The following SEC14L3 variants were observed in gnomAD, a reference collection of about 807,000 sequenced individuals.
SEC14L3 encodes SEC14 like lipid binding 3.
Under a neutral mutation model 57.4 loss-of-function variants are expected in SEC14L3, and 56 were observed. That is an observed-to-expected ratio of 0.97 (90% CI 0.79 to 1.22). The LOEUF is 1.22. Among genes scored for constraint, SEC14L3 ranks in the 50% most tolerant of loss-of-function variants. SEC14L3 has a pLI of 0.00. For synonymous variants in SEC14L3, 173 were observed against 194.4 expected, an observed-to-expected ratio of 0.89 and a Z score of 0.92; for missense variants, 485 against 511.7, an observed-to-expected ratio of 0.95 and a Z score of 0.50.
At chr22:30,458,096 C>T (rs953720765), downstream of SEC14L3, among the ~76,000 whole-genome samples, 2 of 152,246 alleles carry the variant, frequency 1.3e-5, no homozygotes, top group Non-Finnish European at 2.9e-5. Context: ...TCCAAGGAGC[C>T]TCTCATGGCA....
In SEC14L3 at chr22:30,468,515, GT is replaced by G. The variant is rs1242154889; in HGVS notation, c.415del (p.Thr139GlnfsTer4). 1 of 1,610,558 alleles carries G rather than the reference GT, an allele frequency of 6.2e-7. No individual in the cohort carries two copies. Among genetic ancestry groups the G allele is most frequent in the Non-Finnish European group, 8.5e-7 (1 of 1,177,484 alleles). ...ERILHECDLQ[T>X]ERLGKKIETI... ...ACCTGGCCTGGACCTCACCCTCTCT[GT>G]CTGCAGGTCACACTCATGCAGGATG... On this transcript the variant is annotated frameshift_variant, in exon 5 of 12. Coordinates refer to ENST00000215812, the MANE Select transcript of SEC14L3 (RefSeq NM_174975.5). LOFTEE classifies it high-confidence loss of function.
chr22:30,467,032 C>T lies in SEC14L3; in HGVS notation c.469G>A (p.Gly157Ser). ...ETIVMIFDCE[G>S]LGLKHFWKPL... ...TTCCAGAAGTGTTTCAGTCCCAGGC[C>T]CTCACAGTCAAATATCATCACGATG... The change falls in exon 6 of 12, where the codon GGC becomes AGC. Residue 157 changes from glycine to serine, a missense_variant. By Grantham distance (56) the Gly-to-Ser change is moderately conservative. Transcript: ENST00000215812. The T allele has an allele frequency of 6.2e-7, 1 of 1,614,054 alleles. No homozygotes were observed. The highest frequency in any genetic ancestry group is 8.5e-7 in the Non-Finnish European group (1 of 1,179,998).
chr22:30,457,653 G>T (rs1935142540), downstream of SEC14L3, among the ~76,000 whole-genome samples: 3 of 151,304 alleles, frequency 2.0e-5, no homozygotes, highest in South Asian at 6.3e-4. Context: ...AAAGTGTTGG[G>T]ATTATAGGCA....
At chr22:30,459,031 TAAAC>T (rs1294934939), downstream of SEC14L3, among the ~76,000 whole-genome samples, 6 of 151,834 alleles carry the variant, frequency 4.0e-5, no homozygotes, top group South Asian at 4.2e-4. Flanking sequence ...AACAAACAAA[TAAAC>T]AAACAAACGA....
Position 30,461,659 on chromosome 22 carries a change from G to A in SEC14L3, c.807C>T (p.Tyr269=), listed in dbSNP as rs765675419. Residue 269 remains tyrosine (Y), a synonymous_variant, in exon 10 of 12, where the codon TAC becomes TAT. Coordinates refer to ENST00000215812, the MANE Select transcript of SEC14L3 (RefSeq NM_174975.5). ...NYGGEIPKSM[Y]VRDQVKTQYE... is the part of the protein sequence containing the mutation. ...ACTGAGTCTTCACCTGGTCCCGCACGTACATGGACTTGGGGATCTCCCCGC... is the reference window on the plus strand; with the variant it reads ...ACTGAGTCTTCACCTGGTCCCGCACATACATGGACTTGGGGATCTCCCCGC... 8 of 1,612,330 alleles carry A rather than the reference G, an allele frequency of 5.0e-6. No homozygotes were observed. The highest frequency in any genetic ancestry group is 1.7e-5 in the Admixed American group (1 of 59,854).
chr22:30,470,027 G>C lies in SEC14L3; in HGVS notation c.226C>G (p.Pro76Ala), dbSNP rs1935551407. The change falls in exon 4 of 12, where the codon CCC (proline) becomes GCC (alanine). Residue 76 changes from proline (P) to alanine (A), a missense_variant. Pro to Ala is a conservative substitution (Grantham distance 27). Transcript: ENST00000215812. ...MDIDHILDWQ[P>A]PEVIQKYMPG... ...TGGCGGTGTTGGCTCACCTCTGGGG[G>C]CTGCCAATCAAGGATATGGTCAATA... The C allele has an allele frequency of 6.4e-7, 1 of 1,570,130 alleles. No homozygotes were observed. The highest frequency in any genetic ancestry group is 1.4e-5 in the African/African-American group (1 of 73,738).
At chr22:30,470,101 G>C in intron 3 of SEC14L3, 23 bp from the exon 4 acceptor site, 3 of 1,607,268 alleles carry the variant, frequency 1.9e-6, no homozygotes, top group Non-Finnish European at 2.6e-6. Flanking sequence ...TGAGTGGTAA[G>C]ATCCCACTGG....
At chr22:30,467,368 C>T (rs575336663) in intron 5 of SEC14L3, among the ~76,000 whole-genome samples, 25 of 152,010 alleles carry the variant, frequency 1.6e-4, no homozygotes, top group Non-Finnish European at 3.2e-4. Context: ...TTCATATTGT[C>T]ATTAATTTAT....
At chr22:30,454,727 C>CTATAATATATAATAATATTATTATA (rs1215982043), downstream of SEC14L3, among the ~76,000 whole-genome samples, 3 of 75,376 alleles carry the variant, frequency 4.0e-5, no homozygotes, top group African/African-American at 1.6e-4. Context: ...AATCTATAAT[C>CTATAATATATAATAATATTATTATA]TATAATATAT....
intron 7 of SEC14L3, 63 bp from the exon 8 acceptor site, chr22:30,464,966 A>G (rs1240763587): frequency 1.2e-6 from 2 of 1,609,896 alleles, no homozygotes; most frequent in African/African-American, 1.3e-5. Flanking sequence ...CCCCTCCATA[A>G]TGGTTATAGC....
intron 5 of SEC14L3, among the ~76,000 whole-genome samples, chr22:30,467,653 A>G (rs114428698): frequency 1.4e-3 from 209 of 152,330 alleles, no homozygotes; most frequent in African/African-American, 4.6e-3. Context: ...AGAAGGTAAC[A>G]TCTAAGTTTC....
At position 30,461,656 on chromosome 22, in the gene SEC14L3, C is replaced by T; in HGVS notation, c.810G>A (p.Val270=). 1 of 1,613,170 alleles carries T rather than the reference C, an allele frequency of 6.2e-7. No individual in the cohort carries two copies. Among genetic ancestry groups the T allele is most frequent in the Non-Finnish European group, 8.5e-7 (1 of 1,179,532 alleles). Residue 270 remains valine, a synonymous_variant, in exon 10 of 12, where the codon GTG becomes GTA. Transcript: ENST00000215812. ...YGGEIPKSMY[V]RDQVKTQYEH... ...CGTACTGAGTCTTCACCTGGTCCCG[C>T]ACGTACATGGACTTGGGGATCTCCC...
chr22:30,455,126 T>C (rs781470669), downstream of SEC14L3, among the ~76,000 whole-genome samples: 34 of 95,664 alleles, frequency 3.6e-4, no homozygotes, highest in South Asian at 1.4e-3. Context: ...ATTTAATATA[T>C]ATTATATTTA....
chr22:30,467,060 C>T lies in SEC14L3; in HGVS notation c.441G>A (p.Glu147=). The change falls in exon 6 of 12, where the codon GAG becomes GAA. Residue 147 remains glutamate, a synonymous_variant. Coordinates refer to ENST00000215812, the MANE Select transcript of SEC14L3 (RefSeq NM_174975.5). The stretch of plus-strand genomic sequence containing the variant: ...CACAGTCAAATATCATCACGATGGT[C>T]TCAATCTTCTTCCCTAGCTGCAAGG... ...LQTERLGKKI[E]TIVMIFDCEG... is the part of the protein sequence containing the mutation. 6.2e-7 allele frequency: 1 copy of T among 1,614,056 alleles called. No homozygotes were observed. Among genetic ancestry groups the T allele is most frequent in the Non-Finnish European group, 8.5e-7 (1 of 1,179,964 alleles).
Position 30,459,283 on chromosome 22 carries a change from G to A in SEC14L3, c.*738C>T. ...CCAGATGTGACTGCCTTTGCTTCCA[G>A]GAAAGTCCCTAAAACATAAGCTATG... On this transcript the variant is annotated 3_prime_UTR_variant, in exon 12 of 12. Transcript: ENST00000215812. The A allele has an allele frequency of 7.1e-6, 7 of 985,414 alleles. No homozygotes were observed. Among genetic ancestry groups the A allele is most frequent in the Non-Finnish European group, 8.4e-6 (7 of 829,922 alleles). The allele number at this position is 985,414 out of a possible 1,614,324, so 61.0% of individuals were successfully genotyped here. A position where few individuals can be genotyped will look rare whatever the true frequency, so the allele number is the denominator to read the frequency against.
At chr22:30,470,385 C>G in intron 2 of SEC14L3, 122 bp downstream of exon 2, 6 of 1,596,298 alleles carry the variant, frequency 3.8e-6, no homozygotes, top group Non-Finnish European at 4.3e-6. Flanking sequence ...CTCCTCTGGA[C>G]CTGAACATGT....
downstream of SEC14L3, among the ~76,000 whole-genome samples, chr22:30,455,143 AAT>A (rs368489754): frequency 0.36 from 21,580 of 59,796 alleles, 2,918 homozygotes; most frequent in Non-Finnish European, 0.39. Flanking sequence ...TTTAATATTT[AAT>A]ATATATTATA....
intron 7 of SEC14L3, 115 bp from the exon 8 acceptor site, chr22:30,465,018 G>A: frequency 6.7e-7 from 1 of 1,499,056 alleles, no homozygotes; most frequent in South Asian, 1.3e-5. Flanking sequence ...GTCAATTCCA[G>A]TGTCTGTCCT....
chr22:30,469,415 G>T (rs897332692), intron 4 of SEC14L3, among the ~76,000 whole-genome samples: 4 of 152,122 alleles, frequency 2.6e-5, no homozygotes, highest in Admixed American at 1.3e-4. Flanking sequence ...TTGTAAAATG[G>T]TTTGGATAAC....
Sources: gnomAD v4.1 joint callset for allele counts (sites outside exome capture counted in the v4.1 genomes callset) on GRCh38, gnomAD v4.1.1 for gene constraint, MANE v1.5 for transcripts, NCBI Gene and HGNC (gene_info 2026-07-23, HGNC 2026-07-21) for gene names.